The following TIMP1 variants were observed in gnomAD, a reference collection of about 807,000 sequenced individuals.
TIMP1 encodes metalloproteinase inhibitor 1.
In TIMP1, 5 loss-of-function variants were observed where a neutral mutation model predicts 13.7. That is an observed-to-expected ratio of 0.36 (90% confidence interval 0.19 to 0.76). The LOEUF (loss-of-function observed/expected upper bound fraction) is 0.76. Among genes scored for constraint, TIMP1 ranks in the 30% least tolerant of loss-of-function variants. The probability of loss-of-function intolerance (pLI) is 0.51; values close to 1 mark genes in which losing one functional copy is unlikely to be tolerated. For missense variants in TIMP1, 131 were observed against 168.4 expected, an observed-to-expected ratio of 0.78 and a Z score of 1.23; for synonymous variants, 63 against 67.1, an observed-to-expected ratio of 0.94 and a Z score of 0.30.
chrX:47,583,303 CT>C, intron 1 of TIMP1, 104 bp from the exon 2 acceptor site: 1 of 637,501 alleles, frequency 1.6e-6, no homozygotes, highest in Non-Finnish European at 2.3e-6. Context: ...ATCCAGCCCC[CT>C]AATCCCCCCC....
rs202136502 is a variant in TIMP1 at position 47,586,620 on chromosome X, C to T, written c.553C>T (p.Arg185Cys). The change falls in exon 6 of 6, where the codon CGT (arginine) becomes TGT (cysteine). Residue 185 changes from arginine to cysteine, a missense_variant. Transcript: ENST00000218388. The stretch of plus-strand genomic sequence containing the variant: ...AGGCTCTGAAAAGGGCTTCCAGTCC[C>T]GTCACCTTGCCTGCCTGCCTCGGGA... The part of the protein sequence containing the change: ...LQGSEKGFQS[R>C]HLACLPREPG... 6 of 1,210,797 alleles carry T rather than the reference C, an allele frequency of 5.0e-6. No homozygotes were observed. Among genetic ancestry groups the T allele is most frequent in the Admixed American group, 2.2e-5 (1 of 45,957 alleles).
intron 2 of TIMP1, among the ~76,000 whole-genome samples, chrX:47,583,962 T>A (rs757903609): frequency 1.8e-5 from 2 of 112,182 alleles, no homozygotes; most frequent in East Asian, 5.6e-4. Flanking sequence ...TGCAATGGGA[T>A]CTTGCAGTCG....
At chrX:47,583,808 T>G (rs2057810456) in intron 2 of TIMP1, among the ~76,000 whole-genome samples, 1 of 111,674 alleles carries the variant, frequency 9.0e-6, no homozygotes, top group African/African-American at 3.3e-5. Flanking sequence ...AGGATGGCCT[T>G]CCCTGGCCAT....
At position 47,585,349 on chromosome X, in the gene TIMP1, C is replaced by T. The variant is rs200716901; in HGVS notation, c.328+18C>T. The T allele has an allele frequency of 2.1e-5, 26 of 1,209,392 alleles. No homozygotes were observed. The highest frequency in any genetic ancestry group is 6.6e-5 in the Admixed American group (3 of 45,779). On this transcript the variant is annotated intron_variant, in intron 4 of 5. Transcript: ENST00000218388. The stretch of plus-strand genomic sequence containing the variant: ...CATTGCTGGTGAGGCACCGTCCCCG[C>T]GCCCTGTGCCACACCAACCAGTCCC...
rs745761692 is a variant in TIMP1, at chrX:47,585,230, G to A, written c.227G>A (p.Gly76Glu). The A allele has an allele frequency of 9.3e-5, 111 of 1,197,464 alleles. No individual in the cohort carries two copies. The highest frequency in any genetic ancestry group is 1.2e-4 in the Non-Finnish European group (109 of 887,859). Residue 76 changes from glycine (G) to glutamate (E), a missense_variant, in exon 4 of 6, where the codon GGG becomes GAG. Coordinates refer to ENST00000218388, the MANE Select transcript of TIMP1 (RefSeq NM_003254.3). ...TKMYKGFQALGDAADIRFVYT... is the reference protein window; with the variant it reads ...TKMYKGFQALEDAADIRFVYT... ...ATGTATAAAGGGTTCCAAGCCTTAG[G>A]GGATGCCGCTGACATCCGGTTCGTC...
chrX:47,583,181 A>T (rs1424809606), intron 1 of TIMP1, among the ~76,000 whole-genome samples: 1 of 77,077 alleles, frequency 1.3e-5, no homozygotes, highest in East Asian at 4.6e-4. Context: ...ATAACCCCGC[A>T]ACTCACTCAG....
At position 47,586,342 on chromosome X, in the gene TIMP1, T is replaced by G. The variant is rs768332147; in HGVS notation, c.454-179T>G. 818 of 752,173 alleles carry G rather than the reference T, an allele frequency of 1.1e-3. 1 individual carries two copies. The highest frequency in any genetic ancestry group is 1.2e-3 in the Non-Finnish European group (794 of 638,480). 62.0% of individuals were successfully genotyped at this position (752,173 alleles called of 1,213,427 possible). A position where few individuals can be genotyped will look rare whatever the true frequency, so the allele number is the denominator to read the frequency against. ...GGACACTGATTTACTGGCTTACTGT[T>G]ACCTTTCAGGACCCAGTGACATTTC... On this transcript the variant is annotated intron_variant, in intron 5 of 5. Transcript: ENST00000218388.
rs1164956988 is a variant in TIMP1, at chrX:47,586,718, C to T, written c.*27C>T. The T allele has an allele frequency of 8.4e-7, 1 of 1,197,516 alleles. No homozygotes were observed. Among genetic ancestry groups the T allele is most frequent in the African/African-American group, 1.7e-5 (1 of 57,193 alleles). On this transcript the variant is annotated 3_prime_UTR_variant, in exon 6 of 6. Coordinates refer to ENST00000218388, the MANE Select transcript of TIMP1 (RefSeq NM_003254.3). ...TCCTGCCCGGAGTGGAAGCTGAAGC[C>T]TGCACAGTGTCCACCCTGTTCCCAC...
intron 5 of TIMP1, chrX:47,586,160 A>G (rs920254753): frequency 2.1e-6 from 2 of 941,001 alleles, no homozygotes; most frequent in Admixed American, 5.0e-5. Flanking sequence ...CCCAGTGACT[A>G]TCTTGAAGCC....
chrX:47,586,087 G>A, intron 5 of TIMP1: 5 of 946,349 alleles, frequency 5.3e-6, no homozygotes, highest in Non-Finnish European at 6.7e-6. Flanking sequence ...ACACCAGAGG[G>A]TGTTACACTG....
At chrX:47,584,855 TATG>T (rs753438356) in intron 2 of TIMP1, 78 bp from the exon 3 acceptor site, 2,587 of 814,417 alleles carry the variant, frequency 3.2e-3, no homozygotes, top group Non-Finnish European at 3.7e-3. Flanking sequence ...GCTTTGCTGG[TATG>T]ATGATGATGA....
At chrX:47,586,321 A>G in intron 5 of TIMP1, 200 bp from the exon 6 acceptor site, 1 of 754,114 alleles carries the variant, frequency 1.3e-6, no homozygotes, top group Non-Finnish European at 1.6e-6. Context: ...ATTCCAGGAC[A>G]CTGATTTACT....
Position 47,585,219 on chromosome X carries a change from CCAAGCCTTAGGGGA to C in TIMP1, c.217_230del (p.Gln73CysfsTer3). 8.4e-7 allele frequency: 1 copy of C among 1,192,809 alleles called. No homozygotes were observed. Among genetic ancestry groups the C allele is most frequent in the Non-Finnish European group, 1.1e-6 (1 of 884,683 alleles). On this transcript the variant is annotated frameshift_variant, in exon 4 of 6. Coordinates refer to ENST00000218388, the MANE Select transcript of TIMP1 (RefSeq NM_003254.3). LOFTEE classifies it high-confidence loss of function. ...TCCATCAACAGATGTATAAAGGGTTCCAAGCCTTAGGGGATGCCGCTGACATCCGGTTCGTCTAC... is the reference window on the plus strand; with the variant it reads ...TCCATCAACAGATGTATAAAGGGTTCTGCCGCTGACATCCGGTTCGTCTAC...
At position 47,583,547 on chromosome X, in the gene TIMP1, A is replaced by T. The variant is rs762984429; in HGVS notation, c.121+11A>T. 3.4e-6 allele frequency: 4 copies of T among 1,181,556 alleles called. No individual in the cohort carries two copies. Among genetic ancestry groups the T allele is most frequent in the Middle Eastern group, 4.7e-4 (2 of 4,234 alleles). On this transcript the variant is annotated intron_variant, in intron 2 of 5. Coordinates refer to ENST00000218388, the MANE Select transcript of TIMP1 (RefSeq NM_003254.3). ...GCAATTCCGACCTCGGTGAGTCCTC[A>T]CCCCACTCAGCCCACACACTCTGCC...
rs1381081516 is a variant in TIMP1, at chrX:47,586,586, G to A, written c.519G>A (p.Gln173=). 2.5e-6 allele frequency: 3 copies of A among 1,210,661 alleles called. No individual in the cohort carries two copies. Residue 173 remains glutamine (Q), a synonymous_variant, in exon 6 of 6, where the codon CAG becomes CAA. Transcript: ENST00000218388. ...QSGTHCLWTD[Q]LLQGSEKGFQ... ...GCACTCATTGCTTGTGGACGGACCAGCTCCTCCAAGGCTCTGAAAAGGGCT... is the reference window on the plus strand; with the variant it reads ...GCACTCATTGCTTGTGGACGGACCAACTCCTCCAAGGCTCTGAAAAGGGCT...
intron 5 of TIMP1, 121 bp from the exon 6 acceptor site, chrX:47,586,400 C>G: frequency 9.0e-7 from 1 of 1,111,403 alleles, no homozygotes; most frequent in Non-Finnish European, 1.2e-6. Flanking sequence ...GGGGTATGTA[C>G]TTAGGTGGGG....
Position 47,585,640 on chromosome X carries a change from C to G in TIMP1, c.426C>G (p.Thr142=), listed in dbSNP as rs748919584. The G allele has an allele frequency of 1.1e-5, 13 of 1,203,261 alleles. No homozygotes were observed. In the South Asian group the frequency reaches 2.4e-4, roughly 22 times the overall value. Residue 142 remains threonine, a synonymous_variant, in exon 5 of 6, where the codon ACC becomes ACG. Coordinates refer to ENST00000218388, the MANE Select transcript of TIMP1 (RefSeq NM_003254.3). ...CTCAGCGCCGGGGCTTCACCAAGACCTACACTGTTGGCTGTGAGGAATGCA... is the reference window on the plus strand; with the variant it reads ...CTCAGCGCCGGGGCTTCACCAAGACGTACACTGTTGGCTGTGAGGAATGCA... ...SLAQRRGFTK[T]YTVGCEECTV...
intron 1 of TIMP1, among the ~76,000 whole-genome samples, chrX:47,582,783 C>T (rs925980620): frequency 1.0e-5 from 1 of 96,308 alleles, no homozygotes; most frequent in African/African-American, 3.9e-5. Context: ...CCCTCATCGC[C>T]CCCTAAATAC....
At position 47,582,487 on chromosome X, in the gene TIMP1, C is replaced by T; in HGVS notation, c.-9+13C>T. Reference sequence around the variant, plus strand: ...AGAGACACCAGAGGTAAGCAGGGCCCGGGGTGGCCCAGCAGGGACCGGAGC... The same window carrying T: ...AGAGACACCAGAGGTAAGCAGGGCCTGGGGTGGCCCAGCAGGGACCGGAGC... On this transcript the variant is annotated intron_variant, in intron 1 of 5. Transcript: ENST00000218388. 1 of 295,990 alleles carries T rather than the reference C, an allele frequency of 3.4e-6. No individual in the cohort carries two copies. Among genetic ancestry groups the T allele is most frequent in the Non-Finnish European group, 6.9e-6 (1 of 145,765 alleles). 24.4% of individuals were successfully genotyped at this position (295,990 alleles called of 1,213,427 possible).
Sources: gnomAD v4.1 joint callset for allele counts (sites outside exome capture counted in the v4.1 genomes callset) on GRCh38, gnomAD v4.1.1 for gene constraint, MANE v1.5 for transcripts, NCBI Gene and HGNC (gene_info 2026-07-23, HGNC 2026-07-21) for gene names.